Variants in FNDC3B observed in about 807,000 individuals in gnomAD.
FNDC3B encodes fibronectin type III domain containing 3B.
A neutral mutation model predicts 151.5 loss-of-function variants in FNDC3B; 12 were observed. That is an observed-to-expected ratio of 0.08 (90% confidence interval 0.05 to 0.13). The LOEUF is 0.13. Ranked by LOEUF, FNDC3B falls within the 10% of genes least tolerant of loss-of-function variation. The pLI is 1.00. For synonymous variants in FNDC3B, 528 were observed against 549.0 expected (o/e 0.96, Z 0.54); for missense variants, 1,214 against 1,505.3 (o/e 0.81, Z 3.20).
chr3:172,227,390 C>T (rs1726647334), intron 4 of FNDC3B: 1 of 153,534 alleles, frequency 6.5e-6, no homozygotes, highest in Non-Finnish European at 1.4e-5. Context: ...GTGGCAAAAG[C>T]TAGGCTTGGT....
intron 17 of FNDC3B, among the ~76,000 whole-genome samples, chr3:172,342,586 G>A (rs1181399814): frequency 6.6e-6 from 1 of 152,210 alleles, no homozygotes; most frequent in African/African-American, 2.4e-5. Flanking sequence ...TTAATATTGA[G>A]TTTATTTGCT....
In FNDC3B at chr3:172,318,607, G is replaced by A. The variant is rs375532912; in HGVS notation, c.1254+7726G>A. Among the ~76,000 whole-genome samples the A allele has an allele frequency of 5.3e-5, 8 of 152,284 alleles. No individual in the cohort carries two copies. In the South Asian group the frequency reaches 8.3e-4, roughly 16 times the overall value. On this transcript the variant is annotated intron_variant, in intron 11 of 25. Transcript: ENST00000415807. Reference sequence around the variant, plus strand: ...GTAATTAACTAGGTCCCACAGCATGGATGAAGAGAGCCCCCTGAGAATTTG... The same window carrying A: ...GTAATTAACTAGGTCCCACAGCATGAATGAAGAGAGCCCCCTGAGAATTTG...
chr3:172,067,500 C>T (rs1281044784), intron 1 of FNDC3B, among the ~76,000 whole-genome samples: 1 of 152,066 alleles, frequency 6.6e-6, no homozygotes, highest in Non-Finnish European at 1.5e-5. Context: ...AATACTAATG[C>T]TGTTATTTTA....
rs1444035948 is a variant in FNDC3B, at chr3:172,145,638, G to T, written c.187+12092G>T. 3.3e-5 allele frequency among the ~76,000 whole-genome samples: 5 copies of T among 152,182 alleles called. No individual in the cohort carries two copies. The East Asian group carries it at 9.7e-4, about 29-fold the overall frequency. On this transcript the variant is annotated intron_variant, in intron 3 of 25. Transcript: ENST00000415807. ...AGTATAAATGGTCCAGATTTATAAT[G>T]GTTTAAGATTTTTCAACTTTACGAT...
chr3:172,336,368 A>G (rs1193264057), intron 15 of FNDC3B, among the ~76,000 whole-genome samples: 1 of 152,190 alleles, frequency 6.6e-6, no homozygotes, highest in Non-Finnish European at 1.5e-5. Flanking sequence ...TGGGTAGACT[A>G]TATACCCAAG....
chr3:172,107,002 T>C lies in FNDC3B; in HGVS notation c.-28-5450T>C, dbSNP rs184969730. The stretch of plus-strand genomic sequence containing the variant: ...ACAGTGAGGATCTGTTCATTCTGTT[T>C]CCAGAGTGTCCTGCCCCAAACCCTG... On this transcript the variant is annotated intron_variant, in intron 1 of 25. Coordinates refer to ENST00000415807, the MANE Select transcript of FNDC3B (RefSeq NM_022763.4). Among the ~76,000 whole-genome samples, 287 of 152,322 alleles carry C rather than the reference T, an allele frequency of 1.9e-3. 8 individuals carry two copies. The highest frequency in any genetic ancestry group is 0.017 in the Admixed American group (257 of 15,292).
rs1312710296 is a variant in FNDC3B, at chr3:172,399,237, T to C, written c.*1762T>C. ...TTGTAAAATTTTTTAAGTGTACTTA[T>C]GTACTAATTTTCCCTTGTAGCATGT... On this transcript the variant is annotated 3_prime_UTR_variant, in exon 26 of 26. Transcript: ENST00000415807. 5 of 152,668 alleles carry C rather than the reference T, an allele frequency of 3.3e-5. No individual in the cohort carries two copies. Among genetic ancestry groups the C allele is most frequent in the African/African-American group, 7.2e-5 (3 of 41,468 alleles). 9.5% of individuals were successfully genotyped at this position (152,668 alleles called of 1,614,324 possible).
At chr3:172,145,148 T>G (rs764750385) in intron 3 of FNDC3B, among the ~76,000 whole-genome samples, 1 of 152,208 alleles carries the variant, frequency 6.6e-6, no homozygotes, top group Non-Finnish European at 1.5e-5. Context: ...GGAGCCAGTT[T>G]TAAACACCTG....
intron 1 of FNDC3B, among the ~76,000 whole-genome samples, chr3:172,054,431 G>A (rs1716814622): frequency 6.6e-6 from 1 of 152,314 alleles, no homozygotes. Flanking sequence ...TGAGTTCACT[G>A]AAGGTGAGTT....
At chr3:172,359,872 C>G (rs1734284218) in intron 22 of FNDC3B, among the ~76,000 whole-genome samples, 1 of 152,108 alleles carries the variant, frequency 6.6e-6, no homozygotes, top group Admixed American at 6.5e-5. Flanking sequence ...TTTTGCTCTG[C>G]TTTATCAGAG....
intron 23 of FNDC3B, 149 bp downstream of exon 23, chr3:172,362,994 C>T (rs1017790154): frequency 6.7e-5 from 42 of 630,106 alleles, no homozygotes; most frequent in African/African-American, 6.4e-4. Context: ...GTTTTATACC[C>T]GGAGTCGTTC....
chr3:172,253,513 C>T (rs1181950065), intron 6 of FNDC3B, among the ~76,000 whole-genome samples: 2 of 152,292 alleles, frequency 1.3e-5, no homozygotes, highest in Admixed American at 6.5e-5. Context: ...AGTGTATCTC[C>T]TGCTGGAGTT....
intron 3 of FNDC3B, among the ~76,000 whole-genome samples, chr3:172,192,241 T>G (rs1724556124): frequency 6.6e-6 from 1 of 151,158 alleles, no homozygotes; most frequent in Non-Finnish European, 1.5e-5. Context: ...GGCGTGATCT[T>G]GGCTCACTGC....
intron 11 of FNDC3B, among the ~76,000 whole-genome samples, chr3:172,313,778 C>G (rs1388732963): frequency 6.6e-6 from 1 of 152,184 alleles, no homozygotes; most frequent in Non-Finnish European, 1.5e-5. Flanking sequence ...AAAAATGGTG[C>G]TATCGGGTTT....
chr3:172,389,090 C>T (rs1238382644), intron 25 of FNDC3B, among the ~76,000 whole-genome samples: 2 of 152,260 alleles, frequency 1.3e-5, no homozygotes, highest in South Asian at 2.1e-4. Context: ...GCTTCTTAAT[C>T]GTATCTGGGC....
intron 21 of FNDC3B, among the ~76,000 whole-genome samples, chr3:172,351,212 T>C (rs1026210659): frequency 2.7e-4 from 41 of 152,200 alleles, no homozygotes; most frequent in African/African-American, 9.9e-4. Flanking sequence ...GATTGCAAAG[T>C]TGAAATGTGT....
chr3:172,174,946 C>A (rs1450996212), intron 3 of FNDC3B, among the ~76,000 whole-genome samples: 1 of 89,044 alleles, frequency 1.1e-5, no homozygotes, highest in African/African-American at 3.6e-5. Context: ...CCCCCCCCCC[C>A]AATACAATTT....
At chr3:172,279,882 G>A (rs1292982758) in intron 6 of FNDC3B, among the ~76,000 whole-genome samples, 2 of 151,906 alleles carry the variant, frequency 1.3e-5, no homozygotes, top group Non-Finnish European at 2.9e-5. Context: ...GAGTAGAAAA[G>A]CAATTCAACA....
At chr3:172,130,447 G>A (rs558504667) in intron 2 of FNDC3B, among the ~76,000 whole-genome samples, 2 of 152,054 alleles carry the variant, frequency 1.3e-5, no homozygotes, top group African/African-American at 2.4e-5. Flanking sequence ...TATTTTCGTC[G>A]GATGCTTAAA....
Sources: gnomAD v4.1 joint callset for allele counts (sites outside exome capture counted in the v4.1 genomes callset) on GRCh38, gnomAD v4.1.1 for gene constraint, MANE v1.5 for transcripts, NCBI Gene and HGNC (gene_info 2026-07-23, HGNC 2026-07-21) for gene names.